The following PHF21A variants were observed in gnomAD, a reference collection of about 807,000 sequenced individuals.
PHF21A encodes the protein BHC80a.
PHF21A carries 11 observed loss-of-function variants against 82.5 expected under a neutral mutation model. The observed-to-expected ratio is 0.13, with a 90% CI of 0.08 to 0.22. PHF21A has a LOEUF of 0.22. PHF21A is among the 10% of genes least tolerant of loss of function. PHF21A has a pLI of 1.00. For synonymous variants in PHF21A, 297 were observed against 302.8 expected (o/e 0.98, Z 0.20); for missense variants, 579 against 837.8 (o/e 0.69, Z 3.81).
intron 6 of PHF21A, among the ~76,000 whole-genome samples, chr11:46,057,007 G>A (rs2096466811): frequency 6.6e-6 from 1 of 151,966 alleles, no homozygotes. Context: ...AAAAAGTCAA[G>A]ATGGTTATAG....
intron 1 of PHF21A, among the ~76,000 whole-genome samples, chr11:46,110,015 G>T (rs1003901504): frequency 6.6e-6 from 1 of 151,306 alleles, no homozygotes; most frequent in Non-Finnish European, 1.5e-5. Context: ...TCTATTGGGA[G>T]CAGGGTGGAT....
At chr11:45,971,667 T>C (rs2093753709) in intron 7 of PHF21A, among the ~76,000 whole-genome samples, 1 of 152,132 alleles carries the variant, frequency 6.6e-6, no homozygotes, top group Non-Finnish European at 1.5e-5. Context: ...GGGGTAGGTA[T>C]ACAGATACAG....
At chr11:45,953,953 T>C (rs879325750) in intron 10 of PHF21A, among the ~76,000 whole-genome samples, 3 of 152,212 alleles carry the variant, frequency 2.0e-5, no homozygotes, top group Non-Finnish European at 4.4e-5. Flanking sequence ...CCACGTATTT[T>C]AGAATGTGGG....
intron 14 of PHF21A, among the ~76,000 whole-genome samples, chr11:45,948,425 G>A (rs774583719): frequency 1.3e-5 from 2 of 152,144 alleles, no homozygotes; most frequent in African/African-American, 2.4e-5. Flanking sequence ...CTCAAGTGTG[G>A]CTACCTCTTT....
chr11:46,022,376 GC>G (rs2095649100), intron 6 of PHF21A, among the ~76,000 whole-genome samples: 1 of 152,154 alleles, frequency 6.6e-6, no homozygotes, highest in Non-Finnish European at 1.5e-5. Context: ...GATCACTTTA[GC>G]CCAGGAGATT....
chr11:45,935,158 C>T (rs1326218224), intron 18 of PHF21A: 2 of 1,289,506 alleles, frequency 1.6e-6, no homozygotes, highest in African/African-American at 3.0e-5. Flanking sequence ...CTTCCTCACA[C>T]TGGTCAGGAA....
chr11:46,117,688 C>T (rs540144155), intron 1 of PHF21A, among the ~76,000 whole-genome samples: 2 of 152,284 alleles, frequency 1.3e-5, no homozygotes, highest in Non-Finnish European at 2.9e-5. Context: ...CTAAATCATA[C>T]CAACTACTTT....
chr11:46,079,144 T>C lies in PHF21A; in HGVS notation c.77A>G (p.Gln26Arg), dbSNP rs2135079890. Residue 26 changes from glutamine (Q) to arginine (R), a missense_variant, in exon 5 of 19, where the codon CAG (glutamine) becomes CGG (arginine). By Grantham distance (43) the Gln-to-Arg change is conservative (BLOSUM62 1). Around this residue, in one of 3 missense-constraint regions of PHF21A, gnomAD observed 12 missense variants for 46.4 expected, o/e 0.26. Coordinates refer to ENST00000676320, the MANE Select transcript of PHF21A (RefSeq NM_001352027.3). Reference sequence around the variant, plus strand: ...CAATAGTAGTTTTACCTGTGGATCCTGCTTCATTTGAGCAACCAGTTTCTG... The same window carrying C: ...CAATAGTAGTTTTACCTGTGGATCCCGCTTCATTTGAGCAACCAGTTTCTG... ...VHQKLVAQMK[Q>R]DPQNADLKKQ... The C allele has an allele frequency of 1.3e-6, 2 of 1,588,928 alleles. No individual in the cohort carries two copies. Among genetic ancestry groups the C allele is most frequent in the Non-Finnish European group, 1.7e-6 (2 of 1,162,540 alleles).
intron 6 of PHF21A, among the ~76,000 whole-genome samples, chr11:46,054,757 G>C (rs2139280294): frequency 6.6e-6 from 1 of 152,314 alleles, no homozygotes; most frequent in East Asian, 1.9e-4. Context: ...CACTGAGGCT[G>C]AGTGGAATGC....
In PHF21A at chr11:46,082,291, G is replaced by A. The variant is rs377762575; in HGVS notation, c.54+1875C>T. Among the ~76,000 whole-genome samples, 8 of 152,124 alleles carry A rather than the reference G, an allele frequency of 5.3e-5. No individual in the cohort carries two copies. The East Asian group carries it at 5.8e-4, about 11-fold the overall frequency. On this transcript the variant is annotated intron_variant, in intron 4 of 18. Transcript: ENST00000676320. ...TCCCTAACTGGAAATGCAACAAAGC[G>A]TGGCTTTTGTCCCACTATTTCGTCA...
chr11:45,987,909 A>C (rs189775644), intron 6 of PHF21A, among the ~76,000 whole-genome samples: 1 of 152,318 alleles, frequency 6.6e-6, no homozygotes, highest in East Asian at 1.9e-4. Context: ...TGGACACTAC[A>C]GAAATTCTCC....
intron 1 of PHF21A, among the ~76,000 whole-genome samples, chr11:46,117,716 A>T (rs1851742007): frequency 6.6e-6 from 1 of 152,228 alleles, no homozygotes; most frequent in Non-Finnish European, 1.5e-5. Flanking sequence ...AACAATTACA[A>T]ATAATTTTTT....
At position 45,965,556 on chromosome 11, in the gene PHF21A, G is replaced by A; in HGVS notation, c.755C>T (p.Pro252Leu). The part of the protein sequence containing the change: ...QNNIPIAPAP[P>L]PMLAAPQLIQ... ...AAGCTGAGGAGCTGCGAGCATGGGAGGTGGTGCTGGGGCAATAGGAATGTT... is the reference window on the plus strand; with the variant it reads ...AAGCTGAGGAGCTGCGAGCATGGGAAGTGGTGCTGGGGCAATAGGAATGTT... The change falls in exon 10 of 19, where the codon CCT becomes CTT. Residue 252 changes from proline (P) to leucine (L), a missense_variant. This residue lies in a region of PHF21A where 410 missense variants were observed against 642.1 expected (regional missense o/e 0.64). Coordinates refer to ENST00000676320, the MANE Select transcript of PHF21A (RefSeq NM_001352027.3). 1.9e-6 allele frequency: 3 copies of A among 1,589,420 alleles called. No individual in the cohort carries two copies. Among genetic ancestry groups the A allele is most frequent in the Non-Finnish European group, 2.6e-6 (3 of 1,165,760 alleles).
At chr11:46,022,446 C>A (rs922220581) in intron 6 of PHF21A, among the ~76,000 whole-genome samples, 1 of 151,988 alleles carries the variant, frequency 6.6e-6, no homozygotes. Flanking sequence ...CAAAGTGAGA[C>A]CCTGTCTCTT....
intron 1 of PHF21A, among the ~76,000 whole-genome samples, chr11:46,107,194 G>A (rs1394818653): frequency 6.6e-6 from 1 of 152,160 alleles, no homozygotes; most frequent in Non-Finnish European, 1.5e-5. Context: ...TAAAACACTA[G>A]TTTAGACTAT....
At chr11:46,107,835 A>C (rs1397660886) in intron 1 of PHF21A, among the ~76,000 whole-genome samples, 1 of 151,930 alleles carries the variant, frequency 6.6e-6, no homozygotes, top group East Asian at 1.9e-4. Context: ...AATGAACAGC[A>C]CTCAAATAAC....
At chr11:45,992,852 C>A (rs1352813417) in intron 6 of PHF21A, among the ~76,000 whole-genome samples, 1 of 152,202 alleles carries the variant, frequency 6.6e-6, no homozygotes, top group African/African-American at 2.4e-5. Context: ...AAGTACCTTA[C>A]ATATAATTTA....
At chr11:46,007,574 A>G (rs1466318839) in intron 6 of PHF21A, among the ~76,000 whole-genome samples, 2 of 152,244 alleles carry the variant, frequency 1.3e-5, no homozygotes, top group East Asian at 3.9e-4. Context: ...GTGGCCTCCC[A>G]AAGTGCTGGG....
intron 6 of PHF21A, among the ~76,000 whole-genome samples, chr11:46,017,593 A>C (rs531257557): frequency 2.0e-5 from 3 of 152,032 alleles, no homozygotes; most frequent in African/African-American, 7.2e-5. Context: ...AAAAAAAAAA[A>C]ACACCTCCCT....
Sources: gnomAD v4.1 joint callset for allele counts (sites outside exome capture counted in the v4.1 genomes callset) on GRCh38, gnomAD v4.1.1 for gene constraint, gnomAD v4.1.1 regional missense constraint, MANE v1.5 for transcripts, NCBI Gene and HGNC (gene_info 2026-07-23, HGNC 2026-07-21) for gene names.